The following PTGR1 variants were observed in gnomAD, a reference collection of about 807,000 sequenced individuals.
PTGR1 encodes the protein prostaglandin reductase 1, also known as 15-oxoprostaglandin 13-reductase.
In PTGR1, 23 loss-of-function variants were observed where a neutral mutation model predicts 37.7. The ratio of observed to expected loss-of-function variants is 0.61; its 90% CI spans 0.44 to 0.86. The LOEUF is 0.86. Among genes scored for constraint, PTGR1 ranks in the 40% least tolerant of loss-of-function variants. The pLI is 0.00. For missense variants in PTGR1, 351 were observed against 394.3 expected (o/e 0.89, Z 0.93); for synonymous variants, 134 against 140.0 (o/e 0.96, Z 0.30).
intron 7 of PTGR1, chr9:111,577,830 G>A (rs187666853): frequency 1.3e-5 from 2 of 152,290 alleles, no homozygotes; most frequent in East Asian, 3.9e-4. Context: ...AGGTGACAGA[G>A]TGAGATCCTG....
intron 9 of PTGR1, among the ~76,000 whole-genome samples, chr9:111,568,973 G>A (rs1828694034): frequency 1.3e-5 from 2 of 152,214 alleles, no homozygotes; most frequent in Admixed American, 1.3e-4. Context: ...ACGACAGAAA[G>A]ACATCAAAGA....
intron 9 of PTGR1, among the ~76,000 whole-genome samples, chr9:111,556,185 A>G (rs932939091): frequency 6.6e-6 from 1 of 152,372 alleles, no homozygotes; most frequent in African/African-American, 2.4e-5. Flanking sequence ...TTATAGCTCC[A>G]TAATAATCTT....
intron 9 of PTGR1, 174 bp from the exon 10 acceptor site, chr9:111,563,405 G>A (rs1469779579): frequency 1.8e-6 from 1 of 544,178 alleles, no homozygotes; most frequent in East Asian, 2.9e-5. Flanking sequence ...CACTTACACA[G>A]TACATGTAAA....
intron 2 of PTGR1, among the ~76,000 whole-genome samples, chr9:111,595,779 G>A (rs986265557): frequency 6.6e-6 from 1 of 152,092 alleles, no homozygotes; most frequent in African/African-American, 2.4e-5. Context: ...GAGTACAGGT[G>A]CTCACCACCA....
intron 9 of PTGR1, among the ~76,000 whole-genome samples, chr9:111,550,465 G>A (rs1827906955): frequency 6.6e-6 from 1 of 152,354 alleles, no homozygotes; most frequent in East Asian, 1.9e-4. Context: ...CTGCCATGGA[G>A]TGGGTGGGGA....
chr9:111,558,583 C>T (rs1285143132), downstream of PTGR1, among the ~76,000 whole-genome samples: 1 of 152,210 alleles, frequency 6.6e-6, no homozygotes, highest in Non-Finnish European at 1.5e-5. Context: ...CAAACCATTT[C>T]TGGTTCCTTT....
intron 7 of PTGR1, 56 bp from the exon 8 acceptor site, chr9:111,574,898 G>C: frequency 7.5e-7 from 1 of 1,335,742 alleles, no homozygotes; most frequent in South Asian, 1.2e-5. Context: ...AGATTCAGGA[G>C]AATCATTAAG....
downstream of PTGR1, among the ~76,000 whole-genome samples, chr9:111,561,148 GGA>G (rs527553902): frequency 0.19 from 6,622 of 34,676 alleles, 857 homozygotes; most frequent in African/African-American, 0.22. Context: ...GGAGAGAGAG[GGA>G]GAGAGAGAGA....
chr9:111,580,994 G>A (rs1829265923), intron 6 of PTGR1, among the ~76,000 whole-genome samples: 1 of 152,160 alleles, frequency 6.6e-6, no homozygotes, highest in African/African-American at 2.4e-5. Context: ...ATTTCTACAG[G>A]GAAGAGAAGA....
chr9:111,558,095 C>T (rs1252370655), downstream of PTGR1, among the ~76,000 whole-genome samples: 5 of 152,018 alleles, frequency 3.3e-5, no homozygotes, highest in East Asian at 1.9e-4. Context: ...TGCACTAAGC[C>T]GAGATTGCAC....
downstream of PTGR1, among the ~76,000 whole-genome samples, chr9:111,560,644 A>T (rs1391143148): frequency 6.9e-6 from 1 of 145,660 alleles, no homozygotes; most frequent in Non-Finnish European, 1.5e-5. Context: ...CTCAAAAAAA[A>T]AAAAAAAAAA....
chr9:111,567,336 C>T (rs140330169), intron 9 of PTGR1, among the ~76,000 whole-genome samples: 3,371 of 152,108 alleles, frequency 0.022, 55 homozygotes, highest in Non-Finnish European at 0.034. Flanking sequence ...TATAGGTGCA[C>T]GCCACCATGC....
chr9:111,575,077 G>A (rs1325925643), intron 7 of PTGR1, among the ~76,000 whole-genome samples: 6 of 152,142 alleles, frequency 3.9e-5, no homozygotes, highest in Admixed American at 2.6e-4. Context: ...GAGGTGGGTG[G>A]ATCACCTGAG....
In PTGR1 at chr9:111,586,014, T is replaced by G. The variant is rs749023756; in HGVS notation, c.361A>C (p.Thr121Pro). 1 of 1,614,066 alleles carries G rather than the reference T, an allele frequency of 6.2e-7. No homozygotes were observed. ...GAAACTCACCCTGGCATGCCAACTG[T>G]CCCCAGAGCCAAAGACAGTGGTATT... ...DTIPLSLALG[T>P]VGMPGLTAYF... The change falls in exon 5 of 10, where the codon ACA becomes CCA. Residue 121 changes from threonine to proline, a missense_variant. Thr to Pro is a conservative substitution (Grantham distance 38). Transcript: ENST00000407693.
intron 6 of PTGR1, among the ~76,000 whole-genome samples, chr9:111,580,799 A>ATGC (rs1343192403): frequency 6.6e-6 from 1 of 150,722 alleles, no homozygotes; most frequent in Non-Finnish European, 1.5e-5. Flanking sequence ...ATCTTTGTCG[A>ATGC]TGCATCAAAA....
At chr9:111,568,868 C>T (rs1300174437) in intron 9 of PTGR1, among the ~76,000 whole-genome samples, 1 of 152,106 alleles carries the variant, frequency 6.6e-6, no homozygotes, top group Non-Finnish European at 1.5e-5. Flanking sequence ...GGTGCCTGGA[C>T]CAGGGTGGTA....
chr9:111,563,412 T>C, intron 9 of PTGR1, 181 bp from the exon 10 acceptor site: 1 of 521,942 alleles, frequency 1.9e-6, no homozygotes, highest in Non-Finnish European at 3.3e-6. Flanking sequence ...ACAGTACATG[T>C]AAAAAAGATT....
At chr9:111,552,511 C>CT (rs1333480490) in intron 9 of PTGR1, among the ~76,000 whole-genome samples, 2 of 152,184 alleles carry the variant, frequency 1.3e-5, no homozygotes, top group African/African-American at 4.8e-5. Flanking sequence ...CTTAACTTAG[C>CT]TGGAGTTCCA....
At chr9:111,558,064 T>C (rs1828175493), downstream of PTGR1, among the ~76,000 whole-genome samples, 1 of 152,112 alleles carries the variant, frequency 6.6e-6, no homozygotes, top group African/African-American at 2.4e-5. Flanking sequence ...GGAAAATTGC[T>C]TGAACCCGGG....
Sources: allele counts gnomAD v4.1 joint callset (sites outside exome capture counted in the v4.1 genomes callset), GRCh38; gene constraint gnomAD v4.1.1; transcripts MANE v1.5; gene names NCBI Gene and HGNC (gene_info 2026-07-23, HGNC 2026-07-21).